PTK7: variants seen among roughly 807,000 people sequenced by gnomAD.
The protein encoded by PTK7 is protein tyrosine kinase 7 (inactive), also known as inactive tyrosine-protein kinase 7.
A neutral mutation model predicts 116.6 loss-of-function variants in PTK7; 39 were observed. The observed-to-expected ratio is 0.33, with a 90% CI of 0.26 to 0.44. The LOEUF (loss-of-function observed/expected upper bound fraction) is 0.44. PTK7 is among the 20% of genes least tolerant of loss of function. The pLI, the probability that PTK7 is intolerant of heterozygous loss-of-function variation, is 1.00. For missense variants in PTK7, 1,169 were observed against 1,425.6 expected (o/e 0.82, Z 2.90); for synonymous variants, 546 against 563.6 (o/e 0.97, Z 0.44).
At chr6:43,160,074 C>A in intron 19 of PTK7, 108 bp downstream of exon 19, 1 of 1,174,008 alleles carries the variant, frequency 8.5e-7, no homozygotes, top group Non-Finnish European at 1.2e-6. Flanking sequence ...TGCTACTGAG[C>A]AGGCACACAG....
At chr6:43,146,490 G>A in intron 16 of PTK7, 128 bp from the exon 17 acceptor site, 1 of 762,830 alleles carries the variant, frequency 1.3e-6, no homozygotes, top group Non-Finnish European at 2.2e-6. Context: ...CTGGGAAAGG[G>A]GCCCAGGCTA....
Position 43,138,056 on chromosome 6 carries a change from G to A in PTK7, c.1229-793G>A, listed in dbSNP as rs142014878. On this transcript the variant is annotated intron_variant, in intron 7 of 19. Coordinates refer to ENST00000230419, the MANE Select transcript of PTK7 (RefSeq NM_002821.5). The stretch of plus-strand genomic sequence containing the variant: ...ACTCCTGACCTCAAATGATCTGCCC[G>A]CCTTTGCCTCTTAAAGTGCTGGGAT... Among the ~76,000 whole-genome samples, 23 of 152,272 alleles carry A rather than the reference G, an allele frequency of 1.5e-4. No individual in the cohort carries two copies. The East Asian group carries it at 1.9e-3, about 13-fold the overall frequency.
Position 43,143,966 on chromosome 6 carries a change from G to A in PTK7, c.2251+346G>A, listed in dbSNP as rs529256286. 5.0e-4 allele frequency among the ~76,000 whole-genome samples: 76 copies of A among 152,306 alleles called. No individual in the cohort carries two copies. Among genetic ancestry groups the A allele is most frequent in the African/African-American group, 1.6e-3 (68 of 41,568 alleles). On this transcript the variant is annotated intron_variant, in intron 14 of 19. Coordinates refer to ENST00000230419, the MANE Select transcript of PTK7 (RefSeq NM_002821.5). The surrounding 1 kb of genome is among the most constrained non-coding windows in gnomAD (Gnocchi z 4.2). ...CTATGAGTCTAAGAGCTCCCCCAGGGGCAGTCTTTCTGTTTACTTCCCTTC... is the reference window on the plus strand; with the variant it reads ...CTATGAGTCTAAGAGCTCCCCCAGGAGCAGTCTTTCTGTTTACTTCCCTTC...
Position 43,159,875 on chromosome 6 carries a change from T to C in PTK7, c.2961T>C (p.Ser987=). 6.2e-7 allele frequency: 1 copy of C among 1,614,246 alleles called. No individual in the cohort carries two copies. Among genetic ancestry groups the C allele is most frequent in the South Asian group, 1.1e-5 (1 of 91,092 alleles). The part of the protein sequence containing the change: ...AILEGDFSTK[S]DVWAFGVLMW... ...TGGAGGGTGACTTCTCTACCAAGTC[T>C]GATGTCTGGGCCTTCGGTGTGCTGA... Residue 987 remains serine (S), a synonymous_variant, in exon 19 of 20, where the codon TCT becomes TCC. Transcript: ENST00000230419.
chr6:43,142,352 G>C, intron 13 of PTK7, 53 bp downstream of exon 13: 2 of 1,612,604 alleles, frequency 1.2e-6, no homozygotes, highest in Non-Finnish European at 1.7e-6. Flanking sequence ...CCAGACGTTT[G>C]TCACCTTGTA....
intron 1 of PTK7, among the ~76,000 whole-genome samples, chr6:43,100,627 A>T (rs1297900050): frequency 6.6e-6 from 1 of 152,088 alleles, no homozygotes; most frequent in South Asian, 2.1e-4. Flanking sequence ...GATATCTTTA[A>T]TTTGGCCGTG....
At chr6:43,134,608 C>T (rs1234451300) in intron 7 of PTK7, among the ~76,000 whole-genome samples, 4 of 151,710 alleles carry the variant, frequency 2.6e-5, no homozygotes, top group African/African-American at 4.8e-5. Flanking sequence ...GGTGAAACCC[C>T]GTCTCTACTA....
At chr6:43,130,729 C>A (rs1267235461) in intron 5 of PTK7, 68 bp downstream of exon 5, 1 of 1,547,664 alleles carries the variant, frequency 6.5e-7, no homozygotes, top group African/African-American at 1.4e-5. Context: ...GAAGGGGGTG[C>A]GATTTGTATC....
intron 1 of PTK7, among the ~76,000 whole-genome samples, chr6:43,116,651 T>TGTGTGTGTGTGCGTGCGCGC (rs1323606377): frequency 3.9e-5 from 3 of 77,214 alleles, no homozygotes; most frequent in African/African-American, 1.9e-4. Context: ...TGTGTGTGTG[T>TGTGTGTGTGTGCGTGCGCGC]GCGCGCGCAC....
chr6:43,140,717 G>A (rs1345320830), intron 10 of PTK7, among the ~76,000 whole-genome samples: 1 of 152,016 alleles, frequency 6.6e-6, no homozygotes, highest in Non-Finnish European at 1.5e-5. Context: ...GGGAGACCCT[G>A]TCTGTACAAA....
chr6:43,124,184 C>T (rs1457671012), intron 1 of PTK7, among the ~76,000 whole-genome samples: 2 of 152,178 alleles, frequency 1.3e-5, no homozygotes, highest in Non-Finnish European at 2.9e-5. Context: ...GGGGCGGGGA[C>T]AGGAATGTGC....
chr6:43,085,243 G>C (rs1766587274), intron 1 of PTK7, among the ~76,000 whole-genome samples: 1 of 152,142 alleles, frequency 6.6e-6, no homozygotes, highest in Non-Finnish European at 1.5e-5. Flanking sequence ...AGACTGTCCT[G>C]GCCAGCCGTT....
At chr6:43,150,787 C>CTTTTTTTTTTTTTTTTT (rs1176963526) in intron 17 of PTK7, among the ~76,000 whole-genome samples, 1 of 60,746 alleles carries the variant, frequency 1.6e-5, no homozygotes, top group Non-Finnish European at 3.0e-5. Flanking sequence ...GTAGACTCAG[C>CTTTTTTTTTTTTTTTTT]TTTTTTTTTT....
intron 1 of PTK7, among the ~76,000 whole-genome samples, chr6:43,103,034 A>G (rs961590015): frequency 6.6e-6 from 1 of 152,246 alleles, no homozygotes; most frequent in Admixed American, 6.5e-5. Context: ...AAAAACTACT[A>G]CAATCAGTGA....
rs1234140719 is a variant in PTK7 at position 43,145,284 on chromosome 6, G to T, written c.2492G>T (p.Ser831Ile). 1.9e-6 allele frequency: 3 copies of T among 1,613,980 alleles called. No individual in the cohort carries two copies. In the African/African-American group the frequency reaches 4.0e-5, roughly 22 times the overall value. ...GVAETLVLVK[S>I]LQSKDEQQQL... Reference sequence around the variant, plus strand: ...GCAGAGACCCTGGTACTTGTGAAGAGCCTGCAGAGCAAGGATGAGCAGCAG... The same window carrying T: ...GCAGAGACCCTGGTACTTGTGAAGATCCTGCAGAGCAAGGATGAGCAGCAG... Residue 831 changes from serine (S) to isoleucine (I), a missense_variant, in exon 16 of 20, where the codon AGC (serine) becomes ATC (isoleucine). Physicochemically the swap from Ser to Ile is moderately radical, Grantham distance 142 (BLOSUM62 -2). Coordinates refer to ENST00000230419, the MANE Select transcript of PTK7 (RefSeq NM_002821.5). This position sits in a 1 kb window ranked among gnomAD's most constrained non-coding sequence, Gnocchi z 4.8.
At position 43,145,530 on chromosome 6, in the gene PTK7, C is replaced by G. The variant is rs558502311; in HGVS notation, c.2640+98C>G. ...TTGGAGCACCGTGAAAACCTTGTCT[C>G]GTGCAGTCTCAGCCGAGACCTCACC... On this transcript the variant is annotated intron_variant, in intron 16 of 19. Transcript: ENST00000230419. This position sits in a 1 kb window ranked among gnomAD's most constrained non-coding sequence, Gnocchi z 4.8. The G allele has an allele frequency of 2.1e-5, 22 of 1,029,340 alleles. No individual in the cohort carries two copies. In the African/African-American group the frequency reaches 3.2e-4, roughly 15 times the overall value. 63.8% of individuals were successfully genotyped at this position (1,029,340 alleles called of 1,614,324 possible).
At chr6:43,079,336 G>A (rs1766234176) in intron 1 of PTK7, among the ~76,000 whole-genome samples, 2 of 152,020 alleles carry the variant, frequency 1.3e-5, no homozygotes, top group African/African-American at 2.4e-5. Context: ...GCGTGGTGGC[G>A]GGTGCCCGTA....
intron 1 of PTK7, among the ~76,000 whole-genome samples, chr6:43,106,420 G>A (rs1159790142): frequency 1.3e-5 from 2 of 151,760 alleles, no homozygotes; most frequent in African/African-American, 4.8e-5. Flanking sequence ...GGATCCTCCT[G>A]TTGCAGCCTC....
chr6:43,157,354 ATATATATATATTTTTTTTTTTCT>A (rs1256814895), intron 17 of PTK7, among the ~76,000 whole-genome samples: 3 of 3,724 alleles, frequency 8.1e-4, no homozygotes, highest in African/African-American at 2.8e-3. Context: ...ATATATATAT[ATATATATATATTTTTTTTTTTCT>A]TTTTTTTTTT....
Sources: allele counts gnomAD v4.1 joint callset (sites outside exome capture counted in the v4.1 genomes callset), GRCh38; gene constraint gnomAD v4.1.1; non-coding constraint Gnocchi (gnomAD v3.1); transcripts MANE v1.5; gene names NCBI Gene and HGNC (gene_info 2026-07-23, HGNC 2026-07-21).